CACNB2: variants seen among roughly 807,000 people sequenced by gnomAD.
CACNB2 encodes the protein calcium voltage-gated channel auxiliary subunit beta 2, also known as voltage-dependent L-type calcium channel subunit beta-2.
CACNB2 carries 42 observed loss-of-function variants against 73.3 expected under a neutral mutation model. That is an observed-to-expected ratio of 0.57 (90% CI 0.45 to 0.74). CACNB2 has a LOEUF of 0.74. CACNB2 is among the 30% of genes least tolerant of loss of function. The pLI, the probability that CACNB2 is intolerant of heterozygous loss-of-function variation, is 0.00. For synonymous variants in CACNB2, 348 were observed against 310.3 expected (o/e 1.12, Z -1.28); for missense variants, 940 against 853.0 (o/e 1.10, Z -1.27).
chr10:18,465,793 T>C (rs902206288), intron 3 of CACNB2, among the ~76,000 whole-genome samples: 1 of 151,924 alleles, frequency 6.6e-6, no homozygotes, highest in African/African-American at 2.4e-5. Flanking sequence ...GTAGTTCTCC[T>C]GCCTCAGCCT....
At chr10:18,149,884 T>C (rs1343201305) in intron 1 of CACNB2, among the ~76,000 whole-genome samples, 2 of 152,206 alleles carry the variant, frequency 1.3e-5, no homozygotes, top group African/African-American at 4.8e-5. Flanking sequence ...ATGCTATAAA[T>C]ACATTATTTC....
chr10:18,453,262 C>CCTATTT (rs1389620173), intron 3 of CACNB2, among the ~76,000 whole-genome samples: 2 of 152,240 alleles, frequency 1.3e-5, no homozygotes, highest in East Asian at 3.9e-4. Flanking sequence ...TACCTAAAAA[C>CCTATTT]CTATTGTGAC....
chr10:18,364,158 C>G (rs1159623685), intron 2 of CACNB2, among the ~76,000 whole-genome samples: 1 of 151,968 alleles, frequency 6.6e-6, no homozygotes, highest in East Asian at 1.9e-4. Flanking sequence ...TTTGGCCAGG[C>G]TGGTCTTGAA....
chr10:18,420,314 T>TACACACACACAC (rs56183878), intron 3 of CACNB2, among the ~76,000 whole-genome samples: 1 of 135,922 alleles, frequency 7.4e-6, no homozygotes, highest in African/African-American at 2.6e-5. Flanking sequence ...TAAACACACA[T>TACACACACACAC]ACACACACAC....
intron 3 of CACNB2, among the ~76,000 whole-genome samples, chr10:18,461,620 T>C (rs1283465460): frequency 6.6e-6 from 1 of 151,970 alleles, no homozygotes; most frequent in Non-Finnish European, 1.5e-5. Context: ...CATCAGGCAT[T>C]AGTTAGAGTC....
intron 2 of CACNB2, among the ~76,000 whole-genome samples, chr10:18,333,751 A>T (rs1015839121): frequency 2.0e-5 from 3 of 152,098 alleles, no homozygotes; most frequent in African/African-American, 7.2e-5. Context: ...TGAGGCATAA[A>T]CTCTAAATTG....
intron 2 of CACNB2, among the ~76,000 whole-genome samples, chr10:18,390,041 A>T (rs926188862): frequency 3.3e-5 from 5 of 152,238 alleles, no homozygotes; most frequent in Admixed American, 2.6e-4. Flanking sequence ...CCCTTTTCAC[A>T]AGTGTGTAGT....
At chr10:18,208,701 T>A (rs2035197942) in intron 2 of CACNB2, among the ~76,000 whole-genome samples, 1 of 150,158 alleles carries the variant, frequency 6.7e-6, no homozygotes, top group South Asian at 2.1e-4. Flanking sequence ...ATTTGTTAAA[T>A]TTTCAGACTG....
chr10:18,275,965 T>C (rs1046023207), intron 2 of CACNB2, among the ~76,000 whole-genome samples: 11 of 152,226 alleles, frequency 7.2e-5, no homozygotes, highest in African/African-American at 2.7e-4. Context: ...GAAACTTTGT[T>C]CAGATTTAAT....
At chr10:18,455,783 A>T (rs1461419660) in intron 3 of CACNB2, among the ~76,000 whole-genome samples, 1 of 152,208 alleles carries the variant, frequency 6.6e-6, no homozygotes, top group African/African-American at 2.4e-5. Flanking sequence ...TGATAATAAG[A>T]AGGTCATAAC....
In CACNB2 at chr10:18,540,619, A is replaced by G. The variant is rs556230874; in HGVS notation, c.*895A>G. 2.6e-5 allele frequency: 4 copies of G among 152,534 alleles called. No individual in the cohort carries two copies. The East Asian group carries it at 7.7e-4, about 30-fold the overall frequency. 9.4% of individuals were successfully genotyped at this position (152,534 alleles called of 1,614,324 possible). On this transcript the variant is annotated 3_prime_UTR_variant, in exon 14 of 14. Coordinates refer to ENST00000324631, the MANE Select transcript of CACNB2 (RefSeq NM_201596.3). ...AATATAAAACTCCAGAGGTTGTTCT[A>G]CTCCATACAGTTCACACTGATTGTG... is the stretch of plus-strand genomic sequence containing the variant.
chr10:18,272,144 C>A (rs2038080621), intron 2 of CACNB2, among the ~76,000 whole-genome samples: 1 of 151,562 alleles, frequency 6.6e-6, no homozygotes, highest in Non-Finnish European at 1.5e-5. Flanking sequence ...TCAGTTTTTT[C>A]TTTGGAGCAG....
At chr10:18,408,612 A>T (rs1012337866) in intron 3 of CACNB2, among the ~76,000 whole-genome samples, 2 of 152,136 alleles carry the variant, frequency 1.3e-5, no homozygotes, top group African/African-American at 4.8e-5. Flanking sequence ...TTACAAACAC[A>T]TAGGTTTACA....
At chr10:18,507,465 G>A (rs888934300) in intron 6 of CACNB2, among the ~76,000 whole-genome samples, 7 of 152,152 alleles carry the variant, frequency 4.6e-5, no homozygotes, top group African/African-American at 1.7e-4. Context: ...ACTAGTTTAA[G>A]TACATATTGC....
chr10:18,210,461 G>T (rs2035273475), intron 2 of CACNB2, among the ~76,000 whole-genome samples: 1 of 152,096 alleles, frequency 6.6e-6, no homozygotes, highest in African/African-American at 2.4e-5. Context: ...TTAGAAGCTG[G>T]TGGGGGTTGG....
rs71507267 is a variant in CACNB2, at chr10:18,407,109, C to CTTTTTTTTTTTTTTTTTTTTTTTTTT, written c.333+5072_333+5097dup. On this transcript the variant is annotated intron_variant, in intron 3 of 13. Transcript: ENST00000324631. ...CTAAAGTCCAGACCTGCTGTTCTGT[C>CTTTTTTTTTTTTTTTTTTTTTTTTTT]TTTTTTTTTTTTTTTTTTTTTTTTT... 1.1e-3 allele frequency among the ~76,000 whole-genome samples: 38 copies of CTTTTTTTTTTTTTTTTTTTTTTTTTT among 35,614 alleles called. 15 individuals are homozygous for CTTTTTTTTTTTTTTTTTTTTTTTTTT. The highest frequency in any genetic ancestry group is 1.9e-3 in the Non-Finnish European group (37 of 19,388). 23.4% of individuals were successfully genotyped at this position (35,614 alleles called of 152,430 possible).
intron 2 of CACNB2, among the ~76,000 whole-genome samples, chr10:18,290,081 T>A (rs572915925): frequency 4.0e-5 from 6 of 150,586 alleles, no homozygotes; most frequent in East Asian, 3.9e-4. Flanking sequence ...TTAATTTCCT[T>A]CTCTTTAAAG....
chr10:18,516,279 TGGCGTCA>T (rs1382660769), intron 7 of CACNB2, among the ~76,000 whole-genome samples: 70 of 152,218 alleles, frequency 4.6e-4, no homozygotes, highest in African/African-American at 1.6e-3. Context: ...ATAAAAATGA[TGGCGTCA>T]TTCTTCATAG....
chr10:18,470,397 A>G (rs1422656046), intron 3 of CACNB2, among the ~76,000 whole-genome samples: 1 of 149,460 alleles, frequency 6.7e-6, no homozygotes, highest in Non-Finnish European at 1.5e-5. Flanking sequence ...GATATACAGC[A>G]TGTGTTACAT....
Sources: allele counts gnomAD v4.1 joint callset (sites outside exome capture counted in the v4.1 genomes callset), GRCh38; gene constraint gnomAD v4.1.1; transcripts MANE v1.5; gene names NCBI Gene and HGNC (gene_info 2026-07-23, HGNC 2026-07-21).